Variants in CNTNAP2 observed in about 807,000 individuals in gnomAD.
CNTNAP2 encodes the protein contactin-associated protein-like 2.
A neutral mutation model predicts 155.2 loss-of-function variants in CNTNAP2; 98 were observed. That is an observed-to-expected ratio of 0.63 (90% CI 0.54 to 0.75). The LOEUF is 0.75. Ranked by LOEUF, CNTNAP2 falls within the 30% of genes least tolerant of loss-of-function variation. The pLI, the probability that CNTNAP2 is intolerant of heterozygous loss-of-function variation, is 0.00. For synonymous variants in CNTNAP2, 651 were observed against 631.2 expected, an observed-to-expected ratio of 1.03 and a Z score of -0.47; for missense variants, 1,727 against 1,688.1, an observed-to-expected ratio of 1.02 and a Z score of -0.40.
chr7:147,927,497 C>T lies in CNTNAP2; in HGVS notation c.2255+23776C>T, dbSNP rs138100735. Among the ~76,000 whole-genome samples, 201 of 152,122 alleles carry T rather than the reference C, an allele frequency of 1.3e-3. 1 individual carries two copies. Among genetic ancestry groups the T allele is most frequent in the African/African-American group, 3.6e-3 (150 of 41,488 alleles). On this transcript the variant is annotated intron_variant, in intron 14 of 23. Transcript: ENST00000361727. ...GATTGTCAAGATAACTGATGTACTC[C>T]GTAAATATATACATCTACTATGTGT...
In CNTNAP2 at chr7:146,830,484, A is replaced by T. The variant is rs1803489251; in HGVS notation, c.209-9227A>T. Among the ~76,000 whole-genome samples the T allele has an allele frequency of 2.0e-5, 3 of 152,286 alleles. 1 individual carries two copies. In the South Asian group the frequency reaches 6.2e-4, roughly 32 times the overall value. On this transcript the variant is annotated intron_variant, in intron 2 of 23. Coordinates refer to ENST00000361727, the MANE Select transcript of CNTNAP2 (RefSeq NM_014141.6). ...TTCATTTATATATATATATGTAAAG[A>T]CTTTATAAAAATGCATGAAAAACAT...
At chr7:147,993,121 C>G (rs1169869451) in intron 15 of CNTNAP2, among the ~76,000 whole-genome samples, 1 of 152,108 alleles carries the variant, frequency 6.6e-6, no homozygotes, top group East Asian at 1.9e-4. Context: ...ATGAGAGAAC[C>G]CCGTTACTGG....
At chr7:147,732,729 C>A (rs1172225408) in intron 13 of CNTNAP2, among the ~76,000 whole-genome samples, 2 of 152,220 alleles carry the variant, frequency 1.3e-5, no homozygotes, top group Non-Finnish European at 2.9e-5. Flanking sequence ...GACCACCATT[C>A]TAACTGGTGT....
intron 21 of CNTNAP2, among the ~76,000 whole-genome samples, chr7:148,277,586 A>ACCCCCCC (rs147409823): frequency 5.7e-5 from 8 of 140,166 alleles, no homozygotes; most frequent in South Asian, 4.7e-4. Context: ...TTAGTACAGG[A>ACCCCCCC]CCGCCCCCCA....
chr7:146,215,435 C>G (rs1388596710), intron 1 of CNTNAP2, among the ~76,000 whole-genome samples: 1 of 152,038 alleles, frequency 6.6e-6, no homozygotes, highest in East Asian at 1.9e-4. Context: ...TCAGGGTTAG[C>G]TCAAGGAAAT....
chr7:146,559,980 A>AT (rs1180961856), intron 1 of CNTNAP2, among the ~76,000 whole-genome samples: 1 of 152,054 alleles, frequency 6.6e-6, no homozygotes, highest in Non-Finnish European at 1.5e-5. Context: ...AATTTTAGCC[A>AT]TTTTTTCTGT....
At chr7:146,929,223 T>C (rs1004553310) in intron 3 of CNTNAP2, among the ~76,000 whole-genome samples, 3 of 152,132 alleles carry the variant, frequency 2.0e-5, no homozygotes, top group Non-Finnish European at 4.4e-5. Flanking sequence ...CACGGCCGGG[T>C]ACTCCTCTGA....
chr7:147,872,498 G>T (rs925525626), intron 13 of CNTNAP2, among the ~76,000 whole-genome samples: 1 of 152,138 alleles, frequency 6.6e-6, no homozygotes, highest in Non-Finnish European at 1.5e-5. Flanking sequence ...ACCTTCTGAG[G>T]GTGGCAGCAA....
At chr7:148,267,379 G>C (rs1366537415) in intron 21 of CNTNAP2, among the ~76,000 whole-genome samples, 1 of 152,086 alleles carries the variant, frequency 6.6e-6, no homozygotes, top group African/African-American at 2.4e-5. Context: ...ATTAGGCTGG[G>C]CATGGTGGGT....
Position 147,935,094 on chromosome 7 carries a change from GT to G in CNTNAP2, c.2255+31384del, listed in dbSNP as rs5888295. On this transcript the variant is annotated intron_variant, in intron 14 of 23. Transcript: ENST00000361727. ...AAAGTAATCTAATGCAAAGTTTTTT[GT>G]TTTTTTTTTTAATTTAAAAGGTTTG... Among the ~76,000 whole-genome samples, 130 of 144,922 alleles carry G rather than the reference GT, an allele frequency of 9.0e-4. 3 individuals are homozygous for G. Among genetic ancestry groups the G allele is most frequent in the African/African-American group, 2.4e-3 (95 of 39,276 alleles).
rs199574272 is a variant in CNTNAP2 at position 147,802,610 on chromosome 7, C to G, written c.2099-100955C>G. ...CCAACACAGCGAAACCCCGTCTCCA[C>G]CAAAAAAGTACGAAAACCAGTCAGG... On this transcript the variant is annotated intron_variant, in intron 13 of 23. Coordinates refer to ENST00000361727, the MANE Select transcript of CNTNAP2 (RefSeq NM_014141.6). Among the ~76,000 whole-genome samples the G allele has an allele frequency of 4.8e-4, 73 of 152,260 alleles. No homozygotes were observed. In the East Asian group the frequency reaches 0.012, roughly 25 times the overall value.
At chr7:147,237,063 T>A (rs1379307261) in intron 8 of CNTNAP2, among the ~76,000 whole-genome samples, 1 of 30,466 alleles carries the variant, frequency 3.3e-5, no homozygotes, top group Non-Finnish European at 5.6e-5. Flanking sequence ...TTTTTTTTTT[T>A]TTTTTTTTTT....
intron 10 of CNTNAP2, among the ~76,000 whole-genome samples, chr7:147,401,684 G>T (rs114048472): frequency 6.6e-6 from 1 of 152,054 alleles, no homozygotes; most frequent in Non-Finnish European, 1.5e-5. Context: ...CATGGGGGTG[G>T]ATTTCCCCCT....
chr7:147,354,690 G>C (rs1001766199), intron 9 of CNTNAP2, among the ~76,000 whole-genome samples: 2 of 152,084 alleles, frequency 1.3e-5, no homozygotes, highest in African/African-American at 4.8e-5. Flanking sequence ...ATGGTAGCTT[G>C]ATGGGGATAG....
chr7:147,142,531 TTC>T (rs1801620042), intron 8 of CNTNAP2, among the ~76,000 whole-genome samples: 1 of 152,160 alleles, frequency 6.6e-6, no homozygotes, highest in Non-Finnish European at 1.5e-5. Context: ...TGGTCTAAAA[TTC>T]TCTTTTTTTG....
chr7:146,404,331 C>T (rs1795759827), intron 1 of CNTNAP2, among the ~76,000 whole-genome samples: 1 of 152,120 alleles, frequency 6.6e-6, no homozygotes, highest in Non-Finnish European at 1.5e-5. Flanking sequence ...CCAGGTTACC[C>T]TGCATGGTTG....
chr7:147,977,459 G>A (rs1801447960), intron 14 of CNTNAP2, among the ~76,000 whole-genome samples: 1 of 152,188 alleles, frequency 6.6e-6, no homozygotes. Context: ...TGAAGGAACT[G>A]CTTCAAATAG....
At chr7:146,494,732 C>T (rs1186580804) in intron 1 of CNTNAP2, among the ~76,000 whole-genome samples, 1 of 152,182 alleles carries the variant, frequency 6.6e-6, no homozygotes, top group Non-Finnish European at 1.5e-5. Context: ...TACTGCAATG[C>T]ATTTTTCTCA....
intron 2 of CNTNAP2, among the ~76,000 whole-genome samples, chr7:146,789,229 C>T (rs1802629918): frequency 6.6e-6 from 1 of 152,140 alleles, no homozygotes; most frequent in Non-Finnish European, 1.5e-5. Flanking sequence ...ATTCACTATT[C>T]TGTCCTCCAC....
Sources: allele counts gnomAD v4.1 joint callset (sites outside exome capture counted in the v4.1 genomes callset), GRCh38; gene constraint gnomAD v4.1.1; transcripts MANE v1.5; gene names NCBI Gene and HGNC (gene_info 2026-07-23, HGNC 2026-07-21).